The following IGFBP2 variants were observed in gnomAD, a reference collection of about 807,000 sequenced individuals.
IGFBP2 encodes insulin-like growth factor-binding protein 2.
In IGFBP2, 12 loss-of-function variants were observed where a neutral mutation model predicts 26.2. The observed-to-expected ratio is 0.46, with a 90% CI of 0.29 to 0.74. The LOEUF is 0.74. IGFBP2 is among the 30% of genes least tolerant of loss of function. The pLI is 0.09. For missense variants in IGFBP2, 328 were observed against 441.2 expected, an observed-to-expected ratio of 0.74 and a Z score of 2.30; for synonymous variants, 189 against 200.6, an observed-to-expected ratio of 0.94 and a Z score of 0.49.
intron 2 of IGFBP2, chr2:216,661,299 T>C: frequency 4.0e-6 from 1 of 253,102 alleles, no homozygotes; most frequent in Non-Finnish European, 7.7e-6. Context: ...AATGTGGGTC[T>C]CACTATGTTG....
Position 216,664,419 on chromosome 2 carries a change from A to AC in IGFBP2, c.*315_*316insC. 4.8e-6 allele frequency: 1 copy of AC among 210,100 alleles called. No individual in the cohort carries two copies. Among genetic ancestry groups the AC allele is most frequent in the Non-Finnish European group, 9.4e-6 (1 of 106,206 alleles). The allele number at this position is 210,100 out of a possible 1,614,324, so 13.0% of individuals were successfully genotyped here. ...CCCTGTGTCCCTTTTGCATAAGATT[A>AC]AAGGAAGGAAAAGTAAAGTGTGTGT... On this transcript the variant is annotated 3_prime_UTR_variant, in exon 4 of 4. Coordinates refer to ENST00000233809, the MANE Select transcript of IGFBP2 (RefSeq NM_000597.3). This position sits in a 1 kb window ranked among gnomAD's most constrained non-coding sequence, Gnocchi z 4.6.
chr2:216,642,942 C>A (rs1697644672), intron 1 of IGFBP2, among the ~76,000 whole-genome samples: 2 of 152,056 alleles, frequency 1.3e-5, no homozygotes, highest in Admixed American at 1.3e-4. Flanking sequence ...TATAGATGGC[C>A]CTCCAGGGGA....
intron 1 of IGFBP2, among the ~76,000 whole-genome samples, chr2:216,653,486 A>G (rs1443710752): frequency 6.6e-6 from 1 of 152,236 alleles, no homozygotes; most frequent in South Asian, 2.1e-4. Context: ...TGGCTAAATT[A>G]GTAAGGGTGG....
At chr2:216,649,748 T>C (rs1213355913) in intron 1 of IGFBP2, among the ~76,000 whole-genome samples, 2 of 152,332 alleles carry the variant, frequency 1.3e-5, no homozygotes, top group South Asian at 2.1e-4. Flanking sequence ...CCCAGGTCTT[T>C]GCAATTCCAG....
intron 1 of IGFBP2, among the ~76,000 whole-genome samples, chr2:216,640,760 G>T (rs1697596514): frequency 6.6e-6 from 1 of 152,254 alleles, no homozygotes; most frequent in Non-Finnish European, 1.5e-5. Context: ...TCAACCAGCA[G>T]TTTTGTTCCT....
intron 1 of IGFBP2, among the ~76,000 whole-genome samples, chr2:216,650,971 A>C (rs144291237): frequency 2.4e-4 from 36 of 152,204 alleles, no homozygotes; most frequent in African/African-American, 8.2e-4. Flanking sequence ...AGATAGATGG[A>C]CCAGTTGGGG....
At chr2:216,648,456 T>C (rs906799800) in intron 1 of IGFBP2, among the ~76,000 whole-genome samples, 2 of 152,152 alleles carry the variant, frequency 1.3e-5, no homozygotes, top group Non-Finnish European at 2.9e-5. Context: ...CCTGGTAACA[T>C]CATTGCCCTG....
At chr2:216,645,413 A>G (rs1169471402) in intron 1 of IGFBP2, among the ~76,000 whole-genome samples, 1 of 152,226 alleles carries the variant, frequency 6.6e-6, no homozygotes, top group East Asian at 1.9e-4. Context: ...GGTGATGCCA[A>G]GTGACCAGGT....
intron 1 of IGFBP2, among the ~76,000 whole-genome samples, chr2:216,647,068 A>G (rs996596336): frequency 2.0e-5 from 3 of 152,256 alleles, no homozygotes; most frequent in Non-Finnish European, 2.9e-5. Flanking sequence ...AGAGATGTAT[A>G]TACATCCTAT....
intron 1 of IGFBP2, among the ~76,000 whole-genome samples, chr2:216,637,045 A>G (rs1414644301): frequency 6.6e-6 from 1 of 152,138 alleles, no homozygotes; most frequent in East Asian, 1.9e-4. Context: ...GCTTCAAAAA[A>G]AAAGGGGGAA....
rs1353062630 is a variant in IGFBP2 at position 216,651,672 on chromosome 2, A to G, written c.443-8885A>G. On this transcript the variant is annotated intron_variant, in intron 1 of 3. Coordinates refer to ENST00000233809, the MANE Select transcript of IGFBP2 (RefSeq NM_000597.3). ...ACTCATTTTTTCCATGCATTTGGCC[A>G]TTCTACAAATCAGACATTACCTAGC... is the stretch of plus-strand genomic sequence containing the variant. Among the ~76,000 whole-genome samples the G allele has an allele frequency of 8.5e-5, 13 of 152,368 alleles. No homozygotes were observed. The East Asian group carries it at 1.9e-3, about 23-fold the overall frequency.
chr2:216,633,457 G>T lies in IGFBP2; in HGVS notation c.-67G>T. The T allele has an allele frequency of 3.3e-6, 1 of 304,838 alleles. No homozygotes were observed. The highest frequency in any genetic ancestry group is 4.9e-6 in the Non-Finnish European group (1 of 205,632). 18.9% of individuals were successfully genotyped at this position (304,838 alleles called of 1,614,324 possible). On this transcript the variant is annotated 5_prime_UTR_variant, in exon 1 of 4. Coordinates refer to ENST00000233809, the MANE Select transcript of IGFBP2 (RefSeq NM_000597.3). ...GAGGAGGCGGCTCCCGCGCTCGCAG[G>T]GCCGTGCCACCTGCCCGCCCGCCCG... is the stretch of plus-strand genomic sequence containing the variant.
intron 1 of IGFBP2, among the ~76,000 whole-genome samples, chr2:216,651,352 A>G (rs1266313970): frequency 1.3e-5 from 2 of 152,184 alleles, no homozygotes; most frequent in Non-Finnish European, 2.9e-5. Flanking sequence ...TCCAAAGAGG[A>G]CTGGCTTCAA....
At position 216,633,589 on chromosome 2, in the gene IGFBP2, G is replaced by GCTGCTA. The variant is rs1490363096; in HGVS notation, c.70_75dup (p.Leu24_Leu25dup). ...CGCCGCCGCTGCTGCCGCTGCTGCT[G>GCTGCTA]CTGCTACTGGGCGCGAGTGGCGGCG... On this transcript the variant is annotated inframe_insertion, in exon 1 of 4. Transcript: ENST00000233809. 1 of 1,018,706 alleles carries GCTGCTA rather than the reference G, an allele frequency of 9.8e-7. No homozygotes were observed. The highest frequency in any genetic ancestry group is 1.7e-5 in the African/African-American group (1 of 57,438). The allele number at this position is 1,018,706 out of a possible 1,614,324, so 63.1% of individuals were successfully genotyped here. A position where few individuals can be genotyped will look rare whatever the true frequency, so the allele number is the denominator to read the frequency against.
At chr2:216,634,124 G>A (rs1697444473) in intron 1 of IGFBP2, 159 bp downstream of exon 1, 1 of 831,840 alleles carries the variant, frequency 1.2e-6, no homozygotes, top group African/African-American at 1.8e-5. Flanking sequence ...AGTCAGGCCC[G>A]GGGAGGGGAA....
At chr2:216,639,515 C>G (rs1697570409) in intron 1 of IGFBP2, among the ~76,000 whole-genome samples, 1 of 151,558 alleles carries the variant, frequency 6.6e-6, no homozygotes, top group African/African-American at 2.4e-5. Flanking sequence ...GTTGTTGGTC[C>G]TTCCCGCGTA....
At chr2:216,652,748 A>G (rs748156443) in intron 1 of IGFBP2, among the ~76,000 whole-genome samples, 1 of 152,236 alleles carries the variant, frequency 6.6e-6, no homozygotes, top group Non-Finnish European at 1.5e-5. Context: ...GGGAGAAATT[A>G]ACAAAGACGG....
At chr2:216,638,015 T>A (rs911345567) in intron 1 of IGFBP2, among the ~76,000 whole-genome samples, 8 of 151,182 alleles carry the variant, frequency 5.3e-5, no homozygotes, top group African/African-American at 2.0e-4. Flanking sequence ...TAGTGAAACC[T>A]CTTCTCTGCT....
intron 3 of IGFBP2, 136 bp from the exon 4 acceptor site, chr2:216,663,804 T>G: frequency 6.5e-6 from 5 of 768,126 alleles, no homozygotes; most frequent in Non-Finnish European, 8.3e-6. Flanking sequence ...TCCTGGCGCA[T>G]ATTTGAAGTT....
Sources: gnomAD v4.1 joint callset for allele counts (sites outside exome capture counted in the v4.1 genomes callset) on GRCh38, gnomAD v4.1.1 for gene constraint, Gnocchi (gnomAD v3.1) non-coding constraint, MANE v1.5 for transcripts, NCBI Gene and HGNC (gene_info 2026-07-23, HGNC 2026-07-21) for gene names.